ANKRD62: variants seen among roughly 807,000 people sequenced by gnomAD.
The protein encoded by ANKRD62 is ankyrin repeat domain-containing protein 62.
ANKRD62 carries 61 observed loss-of-function variants against 98.8 expected under a neutral mutation model. That is an observed-to-expected ratio of 0.62 (90% CI 0.50 to 0.76). The LOEUF (loss-of-function observed/expected upper bound fraction) is 0.76, where lower values mean the gene tolerates loss of function less well. Ranked by LOEUF, ANKRD62 falls within the 30% of genes least tolerant of loss-of-function variation. The pLI is 0.00. For synonymous variants in ANKRD62, 341 were observed against 367.9 expected (o/e 0.93, Z 0.84); for missense variants, 933 against 1,082.9 (o/e 0.86, Z 1.94).
chr18:12,135,277 G>C, the ANKRD62 span, among the ~76,000 whole-genome samples: 9 of 142,870 alleles, frequency 6.3e-5, no homozygotes, highest in Non-Finnish European at 1.2e-4. Context: ...CCACCTATGA[G>C]TGAGAACATG....
At chr18:12,136,053 TC>T in the ANKRD62 span, among the ~76,000 whole-genome samples, 1 of 152,360 alleles carries the variant, frequency 6.6e-6, no homozygotes, top group South Asian at 2.1e-4. Flanking sequence ...TTTAATTAGA[TC>T]CCATTTGTCA....
At chr18:12,178,211 G>A in the ANKRD62 span, among the ~76,000 whole-genome samples, 1 of 151,498 alleles carries the variant, frequency 6.6e-6, no homozygotes, top group African/African-American at 2.4e-5. Flanking sequence ...ATTACCTGGA[G>A]AGGTGAGGAA....
chr18:12,115,785 A>G (rs1184360094), intron 10 of ANKRD62, among the ~76,000 whole-genome samples: 1 of 152,054 alleles, frequency 6.6e-6, no homozygotes, highest in East Asian at 1.9e-4. Context: ...CTTCTCCTCT[A>G]TGCCTTTACC....
downstream of ANKRD62, among the ~76,000 whole-genome samples, chr18:12,131,608 A>G (rs112054401): frequency 3.9e-5 from 6 of 152,260 alleles, no homozygotes; most frequent in African/African-American, 1.4e-4. Context: ...GGCATCATCA[A>G]CTTCTCAAGG....
At chr18:12,168,647 A>G in the ANKRD62 span, among the ~76,000 whole-genome samples, 3 of 152,158 alleles carry the variant, frequency 2.0e-5, no homozygotes, top group Non-Finnish European at 4.4e-5. Context: ...TGGACTTTAA[A>G]GTAGTTTTTT....
At chr18:12,178,143 G>A in the ANKRD62 span, among the ~76,000 whole-genome samples, 1 of 151,574 alleles carries the variant, frequency 6.6e-6, no homozygotes, top group Non-Finnish European at 1.5e-5. Context: ...AATTTGAGAG[G>A]CCAGGAGAGC....
At chr18:12,155,200 C>CT in the ANKRD62 span, among the ~76,000 whole-genome samples, 150,839 of 152,360 alleles carry the variant, frequency 0.99, 74,667 homozygotes, top group East Asian at 1. Flanking sequence ...AGAAATGTAA[C>CT]TTATTTTCCC....
chr18:12,155,380 G>A, the ANKRD62 span, among the ~76,000 whole-genome samples: 1 of 152,214 alleles, frequency 6.6e-6, no homozygotes, highest in African/African-American at 2.4e-5. Flanking sequence ...CCACATCTTG[G>A]CTTTATTGCC....
chr18:12,155,189 C>G, the ANKRD62 span, among the ~76,000 whole-genome samples: 1 of 39,740 alleles, frequency 2.5e-5, no homozygotes, highest in Non-Finnish European at 4.5e-5. Context: ...TAAGATGTAC[C>G]AGAAATGTAA....
At position 12,115,408 on chromosome 18, in the gene ANKRD62, T is replaced by C. The variant is rs553210217; in HGVS notation, c.1114T>C (p.Tyr372His). The change falls in exon 10 of 14, where the codon TAT becomes CAT. Residue 372 changes from tyrosine to histidine, a missense_variant. Physicochemically the swap from Tyr to His is moderately conservative, Grantham distance 83 (BLOSUM62 2). This residue lies in a region of ANKRD62 where 549 missense variants were observed against 587.9 expected (regional missense o/e 0.93). Coordinates refer to ENST00000587848, the MANE Select transcript of ANKRD62 (RefSeq NM_001277333.2). ...NEKSKVKSQI[Y>H]FTDDLNDISG... ...TATTTTATAGGTTAAAAGCCAAATA[T>C]ATTTCACGGATGACCTTAATGACAT... 6.5e-7 allele frequency: 1 copy of C among 1,534,728 alleles called. No individual in the cohort carries two copies. The highest frequency in any genetic ancestry group is 1.4e-5 in the African/African-American group (1 of 73,050).
the ANKRD62 span, among the ~76,000 whole-genome samples, chr18:12,161,445 A>G: frequency 7.3e-5 from 11 of 150,048 alleles, no homozygotes; most frequent in South Asian, 2.3e-3. Flanking sequence ...TGTTGAGTAC[A>G]TGACATATTT....
chr18:12,168,900 G>A, the ANKRD62 span, among the ~76,000 whole-genome samples: 1 of 152,196 alleles, frequency 6.6e-6, no homozygotes, highest in Admixed American at 6.5e-5. Flanking sequence ...TGAAGCAACT[G>A]TGAATGGAAG....
chr18:12,157,788 C>G, the ANKRD62 span, among the ~76,000 whole-genome samples: 1 of 152,172 alleles, frequency 6.6e-6, no homozygotes, highest in Admixed American at 6.5e-5. Flanking sequence ...TCCACTGCAG[C>G]TGGAAAGGTC....
intron 3 of ANKRD62, among the ~76,000 whole-genome samples, 165 bp from the exon 4 acceptor site, chr18:12,096,031 G>C (rs898264460): frequency 5.9e-5 from 9 of 152,200 alleles, no homozygotes; most frequent in African/African-American, 2.2e-4. Context: ...ATCTGAAAGG[G>C]AAGGAGCAAC....
At chr18:12,173,050 G>T in the ANKRD62 span, among the ~76,000 whole-genome samples, 1 of 152,204 alleles carries the variant, frequency 6.6e-6, no homozygotes, top group Non-Finnish European at 1.5e-5. Context: ...GACTGCTTGT[G>T]CTTCCTGGGT....
At chr18:12,176,618 G>A in the ANKRD62 span, among the ~76,000 whole-genome samples, 3 of 119,924 alleles carry the variant, frequency 2.5e-5, 1 homozygote, top group Admixed American at 9.0e-5. Context: ...TCAGAGTCAG[G>A]AGAGCAAAAG....
Position 12,102,693 on chromosome 18 carries a change from T to G in ANKRD62, c.821-465T>G, listed in dbSNP as rs77957051. ...ATAGTAGAGGAAGACATTTCAGATA[T>G]AATGAACGGGGTGTATATGGATGAA... On this transcript the variant is annotated intron_variant, in intron 6 of 13. Coordinates refer to ENST00000587848, the MANE Select transcript of ANKRD62 (RefSeq NM_001277333.2). The G allele has an allele frequency of 6.1e-3, 6,332 of 1,035,320 alleles. 308 individuals carry two copies. The African/African-American group carries it at 0.098, about 16-fold the overall frequency. 64.1% of individuals were successfully genotyped at this position (1,035,320 alleles called of 1,614,324 possible). A position where few individuals can be genotyped will look rare whatever the true frequency, so the allele number is the denominator to read the frequency against.
chr18:12,099,572 A>G (rs1412597820), intron 5 of ANKRD62, 43 bp from the exon 6 acceptor site: 3 of 1,210,294 alleles, frequency 2.5e-6, no homozygotes, highest in African/African-American at 1.6e-5. Flanking sequence ...TTTTCATATC[A>G]GTATTAAAAT....
chr18:12,174,515 G>A, the ANKRD62 span, among the ~76,000 whole-genome samples: 1 of 152,146 alleles, frequency 6.6e-6, no homozygotes, highest in Non-Finnish European at 1.5e-5. Context: ...AGCTGTTTCA[G>A]CCTAGTTCAG....
Sources: gnomAD v4.1 joint callset for allele counts (sites outside exome capture counted in the v4.1 genomes callset) on GRCh38, gnomAD v4.1.1 for gene constraint, gnomAD v4.1.1 regional missense constraint, MANE v1.5 for transcripts, NCBI Gene and HGNC (gene_info 2026-07-23, HGNC 2026-07-21) for gene names.